SH2D4A: variants seen among roughly 807,000 people sequenced by gnomAD.
SH2D4A encodes the protein SH2 domain containing 4A, also known as SH2 domain-containing protein 4A.
In SH2D4A, 70 loss-of-function variants were observed where a neutral mutation model predicts 64.7. The ratio of observed to expected loss-of-function variants is 1.08; its 90% CI spans 0.89 to 1.32. The LOEUF (loss-of-function observed/expected upper bound fraction) is 1.32. Ranked by LOEUF, SH2D4A falls within the 40% of genes most tolerant of loss-of-function variation. The pLI, the probability that SH2D4A is intolerant of heterozygous loss-of-function variation, is 0.00. For synonymous variants in SH2D4A, 268 were observed against 200.7 expected (o/e 1.34, Z -2.83); for missense variants, 706 against 540.1 (o/e 1.31, Z -3.04).
At chr8:19,394,214 G>A (rs1238449821) in intron 9 of SH2D4A, among the ~76,000 whole-genome samples, 1 of 152,152 alleles carries the variant, frequency 6.6e-6, no homozygotes, top group Non-Finnish European at 1.5e-5. Context: ...GTGAATGACA[G>A]GGAGCAGATG....
At chr8:19,315,427 G>A (rs952410555) in intron 1 of SH2D4A, among the ~76,000 whole-genome samples, 1 of 152,162 alleles carries the variant, frequency 6.6e-6, no homozygotes, top group Non-Finnish European at 1.5e-5. Flanking sequence ...GAACCACTGT[G>A]CCCGCCTACT....
At chr8:19,346,391 G>C (rs576572615) in intron 4 of SH2D4A, among the ~76,000 whole-genome samples, 2 of 152,208 alleles carry the variant, frequency 1.3e-5, no homozygotes, top group African/African-American at 4.8e-5. Context: ...AACTGCTCAT[G>C]TGAGGGATCT....
At chr8:19,380,045 T>TC (rs1491150873) in intron 8 of SH2D4A, among the ~76,000 whole-genome samples, 1 of 152,110 alleles carries the variant, frequency 6.6e-6, no homozygotes, top group Non-Finnish European at 1.5e-5. Context: ...ATCCTTTTTT[T>TC]CTCTCTCTCT....
intron 8 of SH2D4A, among the ~76,000 whole-genome samples, chr8:19,385,180 T>A (rs967354211): frequency 6.6e-6 from 1 of 151,928 alleles, no homozygotes; most frequent in Non-Finnish European, 1.5e-5. Context: ...TTTGGTGGGA[T>A]AGCAATATAG....
intron 2 of SH2D4A, among the ~76,000 whole-genome samples, chr8:19,326,928 A>T (rs560052925): frequency 1.3e-5 from 2 of 152,298 alleles, no homozygotes; most frequent in East Asian, 3.9e-4. Context: ...CTGGGAATAA[A>T]TCCAACTCAA....
intron 4 of SH2D4A, among the ~76,000 whole-genome samples, chr8:19,343,701 T>G (rs2117236642): frequency 6.6e-6 from 1 of 152,316 alleles, no homozygotes; most frequent in African/African-American, 2.4e-5. Context: ...TCAGTCATTC[T>G]CTGAGCAAAT....
intron 4 of SH2D4A, among the ~76,000 whole-genome samples, chr8:19,348,059 A>T (rs1180570443): frequency 6.6e-6 from 1 of 152,176 alleles, no homozygotes; most frequent in Non-Finnish European, 1.5e-5. Flanking sequence ...TGTAAACTTG[A>T]CACTGAAACT....
intron 8 of SH2D4A, among the ~76,000 whole-genome samples, chr8:19,378,931 AT>A (rs1301529030): frequency 2.0e-5 from 3 of 149,554 alleles, no homozygotes; most frequent in African/African-American, 4.9e-5. Flanking sequence ...AAAAAAAAAA[AT>A]ATTGCCAGGC....
At position 19,382,414 on chromosome 8, in the gene SH2D4A, G is replaced by A. The variant is rs181606368; in HGVS notation, c.1048+8754G>A. Reference sequence around the variant, plus strand: ...ATGGTGTGAACGTGATACACATTCCGTAAAAACCATACTTCAAGTACCTGT... The same window carrying A: ...ATGGTGTGAACGTGATACACATTCCATAAAAACCATACTTCAAGTACCTGT... On this transcript the variant is annotated intron_variant, in intron 8 of 9. Transcript: ENST00000265807. Among the ~76,000 whole-genome samples the A allele has an allele frequency of 3.1e-4, 47 of 152,144 alleles. No homozygotes were observed. The East Asian group carries it at 3.3e-3, about 11-fold the overall frequency.
chr8:19,363,902 G>A (rs754018955), intron 6 of SH2D4A, 170 bp from the exon 7 acceptor site: 7 of 642,598 alleles, frequency 1.1e-5, no homozygotes, highest in Admixed American at 2.9e-5. Context: ...CGAACGCTGG[G>A]CAAGCCCTAA....
chr8:19,354,800 A>G (rs898788527), intron 4 of SH2D4A, among the ~76,000 whole-genome samples: 4 of 152,230 alleles, frequency 2.6e-5, no homozygotes, highest in Non-Finnish European at 5.9e-5. Flanking sequence ...AAAATAGACA[A>G]CACTTTTGAA....
chr8:19,318,505 C>T (rs2052128358), intron 1 of SH2D4A, among the ~76,000 whole-genome samples: 1 of 152,190 alleles, frequency 6.6e-6, no homozygotes, highest in East Asian at 1.9e-4. Flanking sequence ...GGCCACTGTG[C>T]ACTCTCGCTT....
intron 2 of SH2D4A, among the ~76,000 whole-genome samples, chr8:19,324,603 C>T (rs915835355): frequency 7.9e-5 from 12 of 152,102 alleles, no homozygotes; most frequent in South Asian, 2.1e-4. Flanking sequence ...TTGGAGTTGC[C>T]GCCCAGTCAC....
intron 4 of SH2D4A, among the ~76,000 whole-genome samples, chr8:19,343,329 T>C (rs942674197): frequency 6.6e-6 from 1 of 151,836 alleles, no homozygotes; most frequent in Admixed American, 6.6e-5. Flanking sequence ...GCTACTCCAG[T>C]GGCCGAGGAG....
intron 9 of SH2D4A, among the ~76,000 whole-genome samples, chr8:19,393,769 G>A (rs190422460): frequency 5.3e-5 from 8 of 152,248 alleles, no homozygotes; most frequent in Admixed American, 5.2e-4. Flanking sequence ...CTGGGGCAGA[G>A]AATACGGGAA....
chr8:19,362,663 C>G (rs909329307), intron 6 of SH2D4A, among the ~76,000 whole-genome samples: 1 of 152,010 alleles, frequency 6.6e-6, no homozygotes, highest in Non-Finnish European at 1.5e-5. Flanking sequence ...TTGCTTGAAC[C>G]AGGGAGGCGG....
chr8:19,391,698 G>T (rs2053495528), intron 8 of SH2D4A, among the ~76,000 whole-genome samples: 1 of 152,160 alleles, frequency 6.6e-6, no homozygotes, highest in South Asian at 2.1e-4. Flanking sequence ...ATCTTGGCTA[G>T]AAGAAAACAG....
At chr8:19,367,858 T>G (rs1162941878) in intron 7 of SH2D4A, among the ~76,000 whole-genome samples, 1 of 152,124 alleles carries the variant, frequency 6.6e-6, no homozygotes, top group Non-Finnish European at 1.5e-5. Flanking sequence ...GGAGGATTGC[T>G]TGAGGCCAGG....
chr8:19,351,886 C>A (rs1340395983), intron 4 of SH2D4A, among the ~76,000 whole-genome samples: 1 of 152,014 alleles, frequency 6.6e-6, no homozygotes, highest in Non-Finnish European at 1.5e-5. Context: ...CGGGTTCAAG[C>A]GATTCTTCTG....
Sources: gnomAD v4.1 joint callset for allele counts (sites outside exome capture counted in the v4.1 genomes callset) on GRCh38, gnomAD v4.1.1 for gene constraint, MANE v1.5 for transcripts, NCBI Gene and HGNC (gene_info 2026-07-23, HGNC 2026-07-21) for gene names.